The following NXPH1 variants were observed in gnomAD, a reference collection of about 807,000 sequenced individuals.
NXPH1 encodes neurexophilin 1.
NXPH1 carries 5 observed loss-of-function variants against 23.7 expected under a neutral mutation model. That is an observed-to-expected ratio of 0.21 (90% CI 0.11 to 0.44). NXPH1 has a LOEUF of 0.44. NXPH1 is among the 20% of genes least tolerant of loss of function. The probability of loss-of-function intolerance (pLI) is 0.99; values close to 1 mark genes in which losing one functional copy is unlikely to be tolerated. For synonymous variants in NXPH1, 144 were observed against 122.2 expected (o/e 1.18, Z -1.18); for missense variants, 324 against 321.6 (o/e 1.01, Z -0.06).
At chr7:8,457,671 C>G (rs1816622609) in intron 2 of NXPH1, among the ~76,000 whole-genome samples, 1 of 151,500 alleles carries the variant, frequency 6.6e-6, no homozygotes. Flanking sequence ...CTTGTATTTT[C>G]TCAGCATTCT....
At chr7:8,535,285 G>C (rs1241605314) in intron 2 of NXPH1, among the ~76,000 whole-genome samples, 1 of 152,020 alleles carries the variant, frequency 6.6e-6, no homozygotes, top group African/African-American at 2.4e-5. Context: ...AACAATCAGT[G>C]GAAATAATGG....
In NXPH1 at chr7:8,696,136, C is replaced by T. The variant is rs144101332; in HGVS notation, c.55-54872C>T. ...ACATAAAACTGGTATTTCAGGAAGA[C>T]GTGCTACATTTTCCTCTGGTATGAA... On this transcript the variant is annotated intron_variant, in intron 2 of 2. Coordinates refer to ENST00000405863, the MANE Select transcript of NXPH1 (RefSeq NM_152745.3). Among the ~76,000 whole-genome samples the T allele has an allele frequency of 9.3e-3, 1,423 of 152,258 alleles. 13 individuals are homozygous for T. Among genetic ancestry groups the T allele is most frequent in the African/African-American group, 0.032 (1,329 of 41,534 alleles).
chr7:8,498,388 A>C (rs938298807), intron 2 of NXPH1, among the ~76,000 whole-genome samples: 1 of 152,026 alleles, frequency 6.6e-6, no homozygotes, highest in African/African-American at 2.4e-5. Context: ...TCTTGGCTGA[A>C]ATTGGATATT....
At chr7:8,475,678 C>T (rs1192667778) in intron 2 of NXPH1, among the ~76,000 whole-genome samples, 1 of 151,954 alleles carries the variant, frequency 6.6e-6, no homozygotes, top group African/African-American at 2.4e-5. Context: ...TTTTTTTCCC[C>T]TTTCAGGATA....
In NXPH1 at chr7:8,462,562, A is replaced by C. The variant is rs189755311; in HGVS notation, c.54+26795A>C. ...GATGACAGAACTGAGATTCAAATGC[A>C]GGAAAGCTGGCTCCACAGACTGCTC... On this transcript the variant is annotated intron_variant, in intron 2 of 2. Coordinates refer to ENST00000405863, the MANE Select transcript of NXPH1 (RefSeq NM_152745.3). Among the ~76,000 whole-genome samples the C allele has an allele frequency of 2.5e-3, 384 of 152,340 alleles. 8 individuals are homozygous for C. In the Middle Eastern group the frequency reaches 0.031, roughly 12 times the overall value.
At chr7:8,578,139 C>A (rs779570849) in intron 2 of NXPH1, among the ~76,000 whole-genome samples, 3 of 152,202 alleles carry the variant, frequency 2.0e-5, no homozygotes, top group Non-Finnish European at 4.4e-5. Context: ...TAGACTCCAA[C>A]ACTGGTTCCT....
chr7:8,456,611 C>T (rs543831663), intron 2 of NXPH1, among the ~76,000 whole-genome samples: 1 of 152,248 alleles, frequency 6.6e-6, no homozygotes, highest in Non-Finnish European at 1.5e-5. Flanking sequence ...AGAAATTTGA[C>T]AGGCTTGAAA....
At chr7:8,514,572 C>T (rs1288863633) in intron 2 of NXPH1, among the ~76,000 whole-genome samples, 1 of 152,078 alleles carries the variant, frequency 6.6e-6, no homozygotes, top group African/African-American at 2.4e-5. Flanking sequence ...TCATATCCCC[C>T]ATGTGCTGTG....
intron 2 of NXPH1, among the ~76,000 whole-genome samples, chr7:8,574,016 G>C (rs938722504): frequency 7.9e-5 from 12 of 152,068 alleles, no homozygotes; most frequent in Non-Finnish European, 1.6e-4. Context: ...AAGATTTATT[G>C]AGGATTTAAG....
At chr7:8,573,090 T>TC (rs1818681172) in intron 2 of NXPH1, among the ~76,000 whole-genome samples, 2 of 151,976 alleles carry the variant, frequency 1.3e-5, no homozygotes. Flanking sequence ...TCTCTGAGTT[T>TC]TTTTTTTTTT....
intron 2 of NXPH1, among the ~76,000 whole-genome samples, chr7:8,544,922 C>A (rs1397444318): frequency 6.6e-6 from 1 of 151,560 alleles, no homozygotes; most frequent in African/African-American, 2.4e-5. Context: ...TCTTTGATTG[C>A]AGAAGCTTAG....
chr7:8,498,257 C>G (rs965994363), intron 2 of NXPH1, among the ~76,000 whole-genome samples: 3 of 152,032 alleles, frequency 2.0e-5, no homozygotes, highest in African/African-American at 4.8e-5. Flanking sequence ...ACCTGTCAAC[C>G]AGTTTCCACC....
intron 2 of NXPH1, among the ~76,000 whole-genome samples, chr7:8,544,578 C>T (rs1185455607): frequency 2.6e-5 from 4 of 151,594 alleles, no homozygotes; most frequent in Non-Finnish European, 5.9e-5. Context: ...GTTAGGAGTG[C>T]AGTGCAATGT....
chr7:8,651,161 C>A (rs1392162375), intron 2 of NXPH1, among the ~76,000 whole-genome samples: 10 of 149,832 alleles, frequency 6.7e-5, no homozygotes, highest in African/African-American at 2.5e-4. Context: ...TGTGATGTTC[C>A]CCTTCCTGTG....
At chr7:8,471,067 T>C (rs1298521308) in intron 2 of NXPH1, among the ~76,000 whole-genome samples, 2 of 152,142 alleles carry the variant, frequency 1.3e-5, no homozygotes, top group Non-Finnish European at 2.9e-5. Context: ...TACAAAGTGA[T>C]AGCATTTGGG....
At chr7:8,572,516 A>C (rs1212376170) in intron 2 of NXPH1, among the ~76,000 whole-genome samples, 1 of 152,024 alleles carries the variant, frequency 6.6e-6, no homozygotes, top group East Asian at 1.9e-4. Context: ...ATTTAGTGGC[A>C]AGACAGTCTA....
chr7:8,497,911 G>T (rs970003902), intron 2 of NXPH1, among the ~76,000 whole-genome samples: 2 of 152,082 alleles, frequency 1.3e-5, no homozygotes, highest in African/African-American at 4.8e-5. Context: ...CCATTGCTTT[G>T]GTGTTTTAGT....
At chr7:8,524,662 G>A (rs955782694) in intron 2 of NXPH1, among the ~76,000 whole-genome samples, 2 of 152,190 alleles carry the variant, frequency 1.3e-5, no homozygotes, top group Admixed American at 6.5e-5. Context: ...GGACCTGGGG[G>A]AGATAATTGA....
At chr7:8,693,811 T>G (rs1181985215) in intron 2 of NXPH1, among the ~76,000 whole-genome samples, 5 of 152,214 alleles carry the variant, frequency 3.3e-5, no homozygotes, top group African/African-American at 1.2e-4. Flanking sequence ...CTTTGAACTA[T>G]TTTTCTCCTG....
Sources: allele counts gnomAD v4.1 joint callset (sites outside exome capture counted in the v4.1 genomes callset), GRCh38; gene constraint gnomAD v4.1.1; transcripts MANE v1.5; gene names NCBI Gene and HGNC (gene_info 2026-07-23, HGNC 2026-07-21).